Variants in DBNL observed in about 807,000 individuals in gnomAD.
DBNL encodes drebrin like.
In DBNL, 35 loss-of-function variants were observed where a neutral mutation model predicts 62.2. The observed-to-expected ratio is 0.56, with a 90% CI of 0.43 to 0.75. The LOEUF is 0.75. DBNL is among the 30% of genes least tolerant of loss of function. The pLI, the probability that DBNL is intolerant of heterozygous loss-of-function variation, is 0.00. For missense variants in DBNL, 495 were observed against 578.4 expected, an observed-to-expected ratio of 0.86 and a Z score of 1.48; for synonymous variants, 197 against 218.0, an observed-to-expected ratio of 0.90 and a Z score of 0.85.
In DBNL at chr7:44,069,336, T is replaced by C. The variant is rs1177960421; in HGVS notation, c.*8420T>C. 2.6e-5 allele frequency: 4 copies of C among 152,198 alleles called. No homozygotes were observed. Among genetic ancestry groups the C allele is most frequent in the African/African-American group, 4.8e-5 (2 of 41,442 alleles). The allele number at this position is 152,198 out of a possible 1,614,324, so 9.4% of individuals were successfully genotyped here. A position where few individuals can be genotyped will look rare whatever the true frequency, so the allele number is the denominator to read the frequency against. On this transcript the variant is annotated 3_prime_UTR_variant, in exon 13 of 13. Coordinates refer to ENST00000448521, the MANE Select transcript of DBNL (RefSeq NM_001014436.3). ...TCAGTGTATACAGATGTAAGACAACTAGAACATGAGGGGAGAAGGGTGAAG... is the reference window on the plus strand; with the variant it reads ...TCAGTGTATACAGATGTAAGACAACCAGAACATGAGGGGAGAAGGGTGAAG...
Position 44,065,297 on chromosome 7 carries a change from C to G in DBNL, c.*4381C>G, listed in dbSNP as rs10250779. ...GCGCCAAGTGCGCACCACAGGCAGC[C>G]ACATCTGGTCCGTGCCGTCCAGGAT... is the stretch of plus-strand genomic sequence containing the variant. On this transcript the variant is annotated 3_prime_UTR_variant, in exon 13 of 13. Coordinates refer to ENST00000448521, the MANE Select transcript of DBNL (RefSeq NM_001014436.3). 3.1e-6 allele frequency: 5 copies of G among 1,613,696 alleles called. No individual in the cohort carries two copies. The South Asian group carries it at 4.4e-5, about 14-fold the overall frequency.
intron 1 of DBNL, among the ~76,000 whole-genome samples, chr7:44,047,605 G>A (rs1585975934): frequency 6.6e-6 from 1 of 152,228 alleles, no homozygotes; most frequent in East Asian, 1.9e-4. Context: ...GACCTTTTAG[G>A]GATTGTTCAT....
At chr7:44,051,136 G>T (rs2096125869) in intron 2 of DBNL, 1 of 152,424 alleles carries the variant, frequency 6.6e-6, no homozygotes, top group Non-Finnish European at 1.5e-5. Context: ...TGTCCCCAGA[G>T]TGGGGCTCAT....
rs2096148185 is a variant in DBNL at position 44,061,110 on chromosome 7, A to G, written c.*194A>G. On this transcript the variant is annotated 3_prime_UTR_variant, in exon 13 of 13. Coordinates refer to ENST00000448521, the MANE Select transcript of DBNL (RefSeq NM_001014436.3). Reference sequence around the variant, plus strand: ...AGCAATGGCCTGGTGATTCCCACACATCCTTCCTGCATCCCCCGACCCTCC... The same window carrying G: ...AGCAATGGCCTGGTGATTCCCACACGTCCTTCCTGCATCCCCCGACCCTCC... 3 of 708,098 alleles carry G rather than the reference A, an allele frequency of 4.2e-6. No individual in the cohort carries two copies. Among genetic ancestry groups the G allele is most frequent in the Non-Finnish European group, 6.8e-6 (3 of 443,572 alleles). The allele number at this position is 708,098 out of a possible 1,614,324, so 43.9% of individuals were successfully genotyped here. A position where few individuals can be genotyped will look rare whatever the true frequency, so the allele number is the denominator to read the frequency against.
Position 44,056,772 on chromosome 7 carries a change from A to G in DBNL, c.343A>G (p.Ile115Val). The G allele has an allele frequency of 6.2e-7, 1 of 1,613,934 alleles. No individual in the cohort carries two copies. ...ASFLKGAHVT[I>V]NARAEEDVEP... is the part of the protein sequence containing the mutation. Reference sequence around the variant, plus strand: ...CCTGCTGCAGGGGGCCCATGTGACCATCAACGCACGGGCCGAGGAGGATGT... The same window carrying G: ...CCTGCTGCAGGGGGCCCATGTGACCGTCAACGCACGGGCCGAGGAGGATGT... The change falls in exon 5 of 13, where the codon ATC becomes GTC. Residue 115 changes from isoleucine to valine, a missense_variant. Coordinates refer to ENST00000448521, the MANE Select transcript of DBNL (RefSeq NM_001014436.3).
chr7:44,065,133 A>C lies in DBNL; in HGVS notation c.*4217A>C. On this transcript the variant is annotated 3_prime_UTR_variant, in exon 13 of 13. Transcript: ENST00000448521. ...CAGCCCACCTTGCTAATGGAGTTGTAGTAGGGGTGCTTCTCGTCCATCGGG... is the reference window on the plus strand; with the variant it reads ...CAGCCCACCTTGCTAATGGAGTTGTCGTAGGGGTGCTTCTCGTCCATCGGG... The C allele has an allele frequency of 6.2e-7, 1 of 1,613,964 alleles. No homozygotes were observed. Among genetic ancestry groups the C allele is most frequent in the Non-Finnish European group, 8.5e-7 (1 of 1,180,000 alleles).
intron 1 of DBNL, 107 bp from the exon 2 acceptor site, chr7:44,050,118 C>A: frequency 2.3e-6 from 3 of 1,298,096 alleles, no homozygotes; most frequent in Non-Finnish European, 3.3e-6. Flanking sequence ...CACAGTGTTA[C>A]TGTCAGCCCA....
Position 44,065,404 on chromosome 7 carries a change from G to A in DBNL, c.*4488G>A. On this transcript the variant is annotated 3_prime_UTR_variant, in exon 13 of 13. Coordinates refer to ENST00000448521, the MANE Select transcript of DBNL (RefSeq NM_001014436.3). ...CCATCTTGGCATCCTTGATGGCCTT[G>A]GCTCCCCGCTTGGCCTCCTCGGTCC... 1 of 1,614,096 alleles carries A rather than the reference G, an allele frequency of 6.2e-7. No homozygotes were observed. Among genetic ancestry groups the A allele is most frequent in the Non-Finnish European group, 8.5e-7 (1 of 1,180,042 alleles).
chr7:44,065,141 T>C lies in DBNL; in HGVS notation c.*4225T>C. ...CTTGCTAATGGAGTTGTAGTAGGGG[T>C]GCTTCTCGTCCATCGGGGGCGGCGG... On this transcript the variant is annotated 3_prime_UTR_variant, in exon 13 of 13. Transcript: ENST00000448521. 1 of 1,613,962 alleles carries C rather than the reference T, an allele frequency of 6.2e-7. No homozygotes were observed.
In DBNL at chr7:44,051,926, T is replaced by G; in HGVS notation, c.236T>G (p.Phe79Cys). The G allele has an allele frequency of 6.2e-7, 1 of 1,614,160 alleles. No individual in the cohort carries two copies. Among genetic ancestry groups the G allele is most frequent in the South Asian group, 1.1e-5 (1 of 91,086 alleles). ...GACCCCAACTCTGGACTGCCCAAAT[T>G]TGTCCTCATCAACTGGGTATGTGGA... The part of the protein sequence containing the change: ...VKDPNSGLPK[F>C]VLINWTGEGV... The change falls in exon 3 of 13, where the codon TTT becomes TGT. Residue 79 changes from phenylalanine to cysteine, a missense_variant. Phe to Cys is a radical substitution (Grantham distance 205). Coordinates refer to ENST00000448521, the MANE Select transcript of DBNL (RefSeq NM_001014436.3).
chr7:44,065,763 G>A lies in DBNL; in HGVS notation c.*4847G>A, dbSNP rs1253739179. Reference sequence around the variant, plus strand: ...ACGCATCCACCAGCTCCTGGCCTGGGTTCAGGTGGCATGTCTATAACCAGC... The same window carrying A: ...ACGCATCCACCAGCTCCTGGCCTGGATTCAGGTGGCATGTCTATAACCAGC... On this transcript the variant is annotated 3_prime_UTR_variant, in exon 13 of 13. Coordinates refer to ENST00000448521, the MANE Select transcript of DBNL (RefSeq NM_001014436.3). 3.4e-6 allele frequency: 2 copies of A among 592,346 alleles called. No individual in the cohort carries two copies. The highest frequency in any genetic ancestry group is 6.1e-6 in the Non-Finnish European group (2 of 330,454). The allele number at this position is 592,346 out of a possible 1,614,324, so 36.7% of individuals were successfully genotyped here. A position where few individuals can be genotyped will look rare whatever the true frequency, so the allele number is the denominator to read the frequency against.
chr7:44,057,990 C>T (rs971842235), intron 6 of DBNL, 131 bp downstream of exon 6: 13 of 1,524,152 alleles, frequency 8.5e-6, no homozygotes, highest in African/African-American at 5.5e-5. Context: ...CACTGAGGCT[C>T]GGGTAAGTTA....
In DBNL at chr7:44,063,249, G is replaced by T; in HGVS notation, c.*2333G>T. On this transcript the variant is annotated 3_prime_UTR_variant, in exon 13 of 13. Coordinates refer to ENST00000448521, the MANE Select transcript of DBNL (RefSeq NM_001014436.3). ...AGACTGAAGTTGAGGGTCAGGAAGGGACACTCACCCTTTGTTTTTTTTTTT... is the reference window on the plus strand; with the variant it reads ...AGACTGAAGTTGAGGGTCAGGAAGGTACACTCACCCTTTGTTTTTTTTTTT... 1 of 427,782 alleles carries T rather than the reference G, an allele frequency of 2.3e-6. No homozygotes were observed. 26.5% of individuals were successfully genotyped at this position (427,782 alleles called of 1,614,324 possible). A position where few individuals can be genotyped will look rare whatever the true frequency, so the allele number is the denominator to read the frequency against.
chr7:44,066,574 C>T lies in DBNL; in HGVS notation c.*5658C>T, dbSNP rs761370418. 2.6e-5 allele frequency: 4 copies of T among 152,382 alleles called. No homozygotes were observed. Among genetic ancestry groups the T allele is most frequent in the Non-Finnish European group, 5.9e-5 (4 of 68,120 alleles). The allele number at this position is 152,382 out of a possible 1,614,324, so 9.4% of individuals were successfully genotyped here. On this transcript the variant is annotated 3_prime_UTR_variant, in exon 13 of 13. Coordinates refer to ENST00000448521, the MANE Select transcript of DBNL (RefSeq NM_001014436.3). Reference sequence around the variant, plus strand: ...AGTGACCACACTGTCACCTGCGACACTTCTGATAACAGGAGCGGGTAGGTG... The same window carrying T: ...AGTGACCACACTGTCACCTGCGACATTTCTGATAACAGGAGCGGGTAGGTG...
intron 1 of DBNL, among the ~76,000 whole-genome samples, chr7:44,048,362 G>A (rs545389304): frequency 1.3e-5 from 2 of 152,332 alleles, no homozygotes; most frequent in Admixed American, 1.3e-4. Context: ...AGCTCATGCT[G>A]GCAGTGTGCC....
chr7:44,051,526 T>C (rs1193636608), intron 2 of DBNL: 8 of 238,654 alleles, frequency 3.4e-5, no homozygotes, highest in Admixed American at 5.2e-5. Flanking sequence ...GAAATGACCC[T>C]GTTTTTATTT....
chr7:44,046,961 C>T (rs2096118393), intron 1 of DBNL, among the ~76,000 whole-genome samples: 1 of 152,214 alleles, frequency 6.6e-6, no homozygotes, highest in Non-Finnish European at 1.5e-5. Context: ...GCTGGTTCCT[C>T]TTCAGAGTCC....
Position 44,057,964 on chromosome 7 carries a change from C to G in DBNL, c.552+105C>G, listed in dbSNP as rs1169376073. 3 of 1,552,236 alleles carry G rather than the reference C, an allele frequency of 1.9e-6. No individual in the cohort carries two copies. In the East Asian group the frequency reaches 7.0e-5, roughly 36 times the overall value. On this transcript the variant is annotated intron_variant, in intron 6 of 12. Coordinates refer to ENST00000448521, the MANE Select transcript of DBNL (RefSeq NM_001014436.3). ...ATGCAGCATCCACTCTCCTTGGTGCCCATTACAGATGGTCACACTGAGGCT... is the reference window on the plus strand; with the variant it reads ...ATGCAGCATCCACTCTCCTTGGTGCGCATTACAGATGGTCACACTGAGGCT...
At position 44,064,810 on chromosome 7, in the gene DBNL, AG is replaced by A; in HGVS notation, c.*3896del. On this transcript the variant is annotated 3_prime_UTR_variant, in exon 13 of 13. Transcript: ENST00000448521. ...GGGCTGCTGCCCACCCACCCTGCCC[AG>A]GCTCCTGAAGGTGGCCTCACCTTCC... 11 of 610,314 alleles carry A rather than the reference AG, an allele frequency of 1.8e-5. No individual in the cohort carries two copies. The highest frequency in any genetic ancestry group is 2.3e-5 in the Non-Finnish European group (8 of 341,548). The allele number at this position is 610,314 out of a possible 1,614,324, so 37.8% of individuals were successfully genotyped here. A position where few individuals can be genotyped will look rare whatever the true frequency, so the allele number is the denominator to read the frequency against.
Sources: allele counts gnomAD v4.1 joint callset (sites outside exome capture counted in the v4.1 genomes callset), GRCh38; gene constraint gnomAD v4.1.1; transcripts MANE v1.5; gene names NCBI Gene and HGNC (gene_info 2026-07-23, HGNC 2026-07-21).